The following CLSTN2 variants were observed in gnomAD, a reference collection of about 807,000 sequenced individuals.
CLSTN2 encodes calsyntenin-2.
In CLSTN2, 48 loss-of-function variants were observed where a neutral mutation model predicts 101.2. The ratio of observed to expected loss-of-function variants is 0.47; its 90% CI spans 0.38 to 0.60. CLSTN2 has a LOEUF of 0.60. Among genes scored for constraint, CLSTN2 ranks in the 20% least tolerant of loss-of-function variants. CLSTN2 has a pLI of 0.00. For synonymous variants in CLSTN2, 481 were observed against 463.6 expected (o/e 1.04, Z -0.48); for missense variants, 1,160 against 1,238.2 (o/e 0.94, Z 0.95).
intron 8 of CLSTN2, among the ~76,000 whole-genome samples, chr3:140,475,645 C>A (rs1418036412): frequency 2.0e-5 from 3 of 152,190 alleles, no homozygotes; most frequent in African/African-American, 7.2e-5. Context: ...TAAATCTCAA[C>A]AAATCAAAGA....
chr3:140,456,860 C>T (rs188370194), intron 6 of CLSTN2, among the ~76,000 whole-genome samples: 1 of 151,972 alleles, frequency 6.6e-6, no homozygotes, highest in Admixed American at 6.6e-5. Flanking sequence ...TATAGAATAA[C>T]CCTGACCAGC....
chr3:139,958,765 C>G (rs1373190526), intron 1 of CLSTN2, among the ~76,000 whole-genome samples: 2 of 151,450 alleles, frequency 1.3e-5, no homozygotes, highest in Non-Finnish European at 2.9e-5. Flanking sequence ...CCATCTGATC[C>G]TGTCTCTGCA....
chr3:140,115,201 T>A (rs1354918291), intron 1 of CLSTN2, among the ~76,000 whole-genome samples: 1 of 152,232 alleles, frequency 6.6e-6, no homozygotes, highest in East Asian at 1.9e-4. Flanking sequence ...GGAAACTATA[T>A]CTTATTCTTC....
intron 1 of CLSTN2, among the ~76,000 whole-genome samples, chr3:140,050,882 G>A (rs900719082): frequency 2.0e-5 from 3 of 152,182 alleles, no homozygotes; most frequent in Non-Finnish European, 4.4e-5. Context: ...CTGAGTGGGT[G>A]CCTCCTTGCT....
intron 2 of CLSTN2, among the ~76,000 whole-genome samples, chr3:140,214,285 C>CA (rs554867924): frequency 3.8e-4 from 58 of 151,626 alleles, no homozygotes; most frequent in East Asian, 1.9e-3. Flanking sequence ...ACTGAAAATA[C>CA]AAAAAAAATA....
At chr3:140,124,218 G>C (rs866838614) in intron 1 of CLSTN2, among the ~76,000 whole-genome samples, 5 of 152,126 alleles carry the variant, frequency 3.3e-5, no homozygotes, top group Admixed American at 2.0e-4. Context: ...TAGAAGCCTA[G>C]TATGGTTGTT....
intron 5 of CLSTN2, among the ~76,000 whole-genome samples, chr3:140,440,981 A>T (rs1247891703): frequency 6.6e-6 from 1 of 152,250 alleles, no homozygotes; most frequent in East Asian, 1.9e-4. Context: ...GCTTCTGAGC[A>T]TGAAACTGGT....
chr3:140,538,890 TGA>T (rs1935412624), intron 9 of CLSTN2, among the ~76,000 whole-genome samples: 1 of 152,190 alleles, frequency 6.6e-6, no homozygotes, highest in Admixed American at 6.5e-5. Flanking sequence ...CCACCATATT[TGA>T]GAGTCACAAT....
intron 1 of CLSTN2, among the ~76,000 whole-genome samples, chr3:140,135,117 CATATAT>C (rs66931848): frequency 0.12 from 6,749 of 57,636 alleles, 450 homozygotes; most frequent in Non-Finnish European, 0.15. Context: ...CACACACACA[CATATAT>C]ATATATATAT....
chr3:140,310,779 G>C (rs1576509958), intron 2 of CLSTN2, among the ~76,000 whole-genome samples: 1 of 152,100 alleles, frequency 6.6e-6, no homozygotes. Flanking sequence ...AAAGTGTTTA[G>C]AACAGTGTCT....
Position 140,500,591 on chromosome 3 carries a change from G to A in CLSTN2, c.1345-31733G>A, listed in dbSNP as rs140937213. On this transcript the variant is annotated intron_variant, in intron 8 of 16. Coordinates refer to ENST00000458420, the MANE Select transcript of CLSTN2 (RefSeq NM_022131.3). Reference sequence around the variant, plus strand: ...TGTTTTTATTGTTGGTTTGGTTTTCGTGTTTGCTCAGTTGGCTGGAAAAGC... The same window carrying A: ...TGTTTTTATTGTTGGTTTGGTTTTCATGTTTGCTCAGTTGGCTGGAAAAGC... Among the ~76,000 whole-genome samples, 144 of 152,272 alleles carry A rather than the reference G, an allele frequency of 9.5e-4. 1 individual carries two copies. Among genetic ancestry groups the A allele is most frequent in the African/African-American group, 3.0e-3 (124 of 41,558 alleles).
In CLSTN2 at chr3:140,448,654, AG is replaced by A; in HGVS notation, c.926del (p.Gly309ValfsTer46). On this transcript the variant is annotated frameshift_variant, in exon 6 of 17. Transcript: ENST00000458420. LOFTEE classifies it high-confidence loss of function. ...GAGCTGCAGACTAATTACATTGGGA[AG>A]GGTTGTGACCGGGAGACCTACTCTG... ...VTELQTNYIG[K>X]GCDRETYSEK... 2.5e-6 allele frequency: 4 copies of A among 1,614,142 alleles called. No individual in the cohort carries two copies. Among genetic ancestry groups the A allele is most frequent in the Non-Finnish European group, 3.4e-6 (4 of 1,179,978 alleles).
chr3:140,556,535 C>T lies in CLSTN2; in HGVS notation c.1697C>T (p.Ser566Phe), dbSNP rs1207440673. ...CAGTATCACTTCAACCCCTCGCAGT[C>T]CATCCTGGTGATGGAAGGTGACGAC... ...GIKYHFNPSQ[S>F]ILVMEGDDIG... Residue 566 changes from serine to phenylalanine, a missense_variant, in exon 11 of 17, where the codon TCC (serine) becomes TTC (phenylalanine). Coordinates refer to ENST00000458420, the MANE Select transcript of CLSTN2 (RefSeq NM_022131.3). 1 of 1,613,964 alleles carries T rather than the reference C, an allele frequency of 6.2e-7. No individual in the cohort carries two copies. Among genetic ancestry groups the T allele is most frequent in the African/African-American group, 1.3e-5 (1 of 74,904 alleles).
intron 1 of CLSTN2, among the ~76,000 whole-genome samples, chr3:140,016,730 C>T (rs971282430): frequency 3.0e-5 from 4 of 135,406 alleles, no homozygotes; most frequent in Admixed American, 2.5e-4. Flanking sequence ...ACCTCAGAGG[C>T]GCAGTTTGCA....
At chr3:140,484,779 C>T (rs1012372778) in intron 8 of CLSTN2, among the ~76,000 whole-genome samples, 8 of 152,310 alleles carry the variant, frequency 5.3e-5, no homozygotes, top group East Asian at 3.9e-4. Context: ...GCATTCATCA[C>T]GTAGCTCTCG....
rs1252122306 is a variant in CLSTN2, at chr3:140,368,764, C to T, written c.233-34865C>T. 3.4e-4 allele frequency among the ~76,000 whole-genome samples: 51 copies of T among 152,186 alleles called. 1 individual carries two copies. Among genetic ancestry groups the T allele is most frequent in the Non-Finnish European group, 7.3e-5 (5 of 68,036 alleles). ...GCCCTCTGCATGGGAGGCTGGTGGA[C>T]GTTCAGGCTGGAGAAGTAGGCAAGG... On this transcript the variant is annotated intron_variant, in intron 2 of 16. Coordinates refer to ENST00000458420, the MANE Select transcript of CLSTN2 (RefSeq NM_022131.3).
In CLSTN2 at chr3:140,373,341, T is replaced by A. The variant is rs563747794; in HGVS notation, c.233-30288T>A. On this transcript the variant is annotated intron_variant, in intron 2 of 16. Coordinates refer to ENST00000458420, the MANE Select transcript of CLSTN2 (RefSeq NM_022131.3). Reference sequence around the variant, plus strand: ...GCTGAGATCAGCCATTAGAGAAAGATGGCCTCTTCCCCCTACTGCTCCTTG... The same window carrying A: ...GCTGAGATCAGCCATTAGAGAAAGAAGGCCTCTTCCCCCTACTGCTCCTTG... 3.9e-5 allele frequency among the ~76,000 whole-genome samples: 6 copies of A among 152,316 alleles called. No homozygotes were observed. The East Asian group carries it at 9.7e-4, about 25-fold the overall frequency.
intron 2 of CLSTN2, among the ~76,000 whole-genome samples, chr3:140,183,236 T>C (rs2010435423): frequency 6.6e-6 from 1 of 152,170 alleles, no homozygotes; most frequent in Non-Finnish European, 1.5e-5. Context: ...GTGGATACTT[T>C]TGGGCCATTT....
At chr3:140,174,898 A>G (rs2010297141) in intron 1 of CLSTN2, among the ~76,000 whole-genome samples, 1 of 152,208 alleles carries the variant, frequency 6.6e-6, no homozygotes, top group Admixed American at 6.5e-5. Flanking sequence ...ACGTTTATGG[A>G]TGCCAGAAAT....
Sources: allele counts gnomAD v4.1 joint callset (sites outside exome capture counted in the v4.1 genomes callset), GRCh38; gene constraint gnomAD v4.1.1; transcripts MANE v1.5; gene names NCBI Gene and HGNC (gene_info 2026-07-23, HGNC 2026-07-21).